UGT1A6: variants seen among roughly 807,000 people sequenced by gnomAD.
The protein encoded by UGT1A6 is UDP glucuronosyltransferase family 1 member A6.
A neutral mutation model predicts 44.4 loss-of-function variants in UGT1A6; 32 were observed. The observed-to-expected ratio is 0.72, with a 90% CI of 0.54 to 0.97. The LOEUF is 0.97. Among genes scored for constraint, UGT1A6 ranks in the 50% least tolerant of loss-of-function variants. The pLI, the probability that UGT1A6 is intolerant of heterozygous loss-of-function variation, is 0.00. For synonymous variants in UGT1A6, 238 were observed against 248.5 expected (o/e 0.96, Z 0.40); for missense variants, 685 against 661.9 (o/e 1.03, Z -0.38).
chr2:233,726,176 A>G (rs540012299), intron 1 of UGT1A6, among the ~76,000 whole-genome samples: 204 of 152,304 alleles, frequency 1.3e-3, no homozygotes, highest in African/African-American at 4.7e-3. Context: ...AAAAAAATAA[A>G]AATTTCTTTG....
In UGT1A6 at chr2:233,719,091, C is replaced by T. The variant is rs183802414; in HGVS notation, c.861+25226C>T. On this transcript the variant is annotated intron_variant, in intron 1 of 4. Coordinates refer to ENST00000305139, the MANE Select transcript of UGT1A6 (RefSeq NM_001072.4). ...TCCATGGACCCAGAAGGAATTTGATCGCGTTACGCTGGGCTACACTCAAGG... is the reference window on the plus strand; with the variant it reads ...TCCATGGACCCAGAAGGAATTTGATTGCGTTACGCTGGGCTACACTCAAGG... The T allele has an allele frequency of 3.7e-5, 60 of 1,614,254 alleles. No individual in the cohort carries two copies. The East Asian group carries it at 8.2e-4, about 22-fold the overall frequency.
chr2:233,733,145 T>C (rs2078361109), intron 1 of UGT1A6, among the ~76,000 whole-genome samples: 1 of 152,246 alleles, frequency 6.6e-6, no homozygotes, highest in Non-Finnish European at 1.5e-5. Flanking sequence ...TTGTGATTTT[T>C]GCACATTGAT....
intron 1 of UGT1A6, among the ~76,000 whole-genome samples, chr2:233,725,404 A>G (rs1338986441): frequency 1.3e-5 from 2 of 151,736 alleles, no homozygotes; most frequent in African/African-American, 4.9e-5. Flanking sequence ...TTGATGGTCT[A>G]ATACAGAATT....
At chr2:233,712,692 T>C (rs1221158170) in intron 1 of UGT1A6, among the ~76,000 whole-genome samples, 1 of 152,126 alleles carries the variant, frequency 6.6e-6, no homozygotes, top group Non-Finnish European at 1.5e-5. Context: ...AAATGGGGGT[T>C]CACAGCCTTG....
intron 1 of UGT1A6, among the ~76,000 whole-genome samples, chr2:233,739,944 C>A (rs937638963): frequency 6.6e-6 from 1 of 151,864 alleles, no homozygotes; most frequent in Non-Finnish European, 1.5e-5. Context: ...AGGTTGGTAC[C>A]TGGTGGGAGC....
chr2:233,744,059 G>A (rs1241791762), intron 1 of UGT1A6: 4 of 568,466 alleles, frequency 7.0e-6, no homozygotes, highest in Non-Finnish European at 1.1e-5. Context: ...ATTGGTCGAG[G>A]CCTATGAGCG....
At chr2:233,731,616 A>C (rs1404847931) in intron 1 of UGT1A6, among the ~76,000 whole-genome samples, 2 of 152,182 alleles carry the variant, frequency 1.3e-5, no homozygotes, top group Non-Finnish European at 2.9e-5. Flanking sequence ...ACATGAACTC[A>C]TCCTTTTTTA....
chr2:233,772,614 C>T lies in UGT1A6; in HGVS notation c.*55C>T, dbSNP rs1700539224. ...GAACCATTCCCTAGTCATTTCCAAA[C>T]TTGAAAACAGAATCAGTGTTAAATT... On this transcript the variant is annotated 3_prime_UTR_variant, in exon 5 of 5. Transcript: ENST00000305139. The T allele has an allele frequency of 1.3e-6, 2 of 1,575,828 alleles. No homozygotes were observed. The highest frequency in any genetic ancestry group is 1.7e-6 in the Non-Finnish European group (2 of 1,159,834).
chr2:233,700,334 C>A (rs541076266), intron 1 of UGT1A6, among the ~76,000 whole-genome samples: 14 of 152,332 alleles, frequency 9.2e-5, no homozygotes, highest in Non-Finnish European at 1.5e-4. Context: ...GCCTCTCTTT[C>A]AAAACCCTGT....
In UGT1A6 at chr2:233,693,169, G is replaced by C. The variant is rs2075135858; in HGVS notation, c.165G>C (p.Glu55Asp). The change falls in exon 1 of 5, where the codon GAG becomes GAC. Residue 55 changes from glutamate (E) to aspartate (D), a missense_variant. Coordinates refer to ENST00000305139, the MANE Select transcript of UGT1A6 (RefSeq NM_001072.4). ...IVEVLSDRGH[E>D]IVVVVPEVNL... ...AGGTTCTCAGTGACCGGGGTCATGA[G>C]ATTGTAGTGGTGGTGCCTGAAGTTA... The C allele has an allele frequency of 6.2e-7, 1 of 1,614,188 alleles. No homozygotes were observed. The highest frequency in any genetic ancestry group is 1.3e-5 in the African/African-American group (1 of 75,066).
chr2:233,735,668 T>C (rs552280878), intron 1 of UGT1A6, among the ~76,000 whole-genome samples: 4 of 152,360 alleles, frequency 2.6e-5, no homozygotes, highest in African/African-American at 4.8e-5. Context: ...TTTCCATGTT[T>C]AGTGCTTCCT....
intron 1 of UGT1A6, chr2:233,752,519 T>C (rs1480791131): frequency 6.6e-6 from 1 of 152,208 alleles, no homozygotes; most frequent in East Asian, 1.9e-4. Context: ...ATTTTTCAAT[T>C]CTAAAAATTC....
chr2:233,747,345 C>G (rs905208353), intron 1 of UGT1A6: 1 of 1,602,430 alleles, frequency 6.2e-7, no homozygotes, highest in Admixed American at 1.7e-5. Context: ...GGCTCGCATG[C>G]GGGAGGCCGT....
chr2:233,767,071 G>T lies in UGT1A6; in HGVS notation c.899G>T (p.Gly300Val). 6.2e-7 allele frequency: 1 copy of T among 1,614,098 alleles called. No homozygotes were observed. ...TACATTAATGCTTCTGGAGAACATG[G>T]AATTGTGGTTTTCTCTTTGGGATCA... ...EAYINASGEH[G>V]IVVFSLGSMV... The change falls in exon 2 of 5, where the codon GGA becomes GTA. Residue 300 changes from glycine (G) to valine (V), a missense_variant. Gly to Val is a moderately radical substitution (Grantham distance 109). Coordinates refer to ENST00000305139, the MANE Select transcript of UGT1A6 (RefSeq NM_001072.4).
chr2:233,713,830 A>C (rs1248419431), intron 1 of UGT1A6: 8 of 1,613,954 alleles, frequency 5.0e-6, no homozygotes, highest in Non-Finnish European at 6.8e-6. Context: ...GGGGGCATCA[A>C]CTGTGCCAAC....
chr2:233,721,701 C>A (rs2125683705), intron 1 of UGT1A6: 13 of 362,480 alleles, frequency 3.6e-5, no homozygotes, highest in South Asian at 2.9e-4. Context: ...ACGCATGGCT[C>A]ATCTTGGATG....
chr2:233,747,917 C>T, intron 1 of UGT1A6: 6 of 1,613,510 alleles, frequency 3.7e-6, no homozygotes, highest in Non-Finnish European at 5.1e-6. Flanking sequence ...CAAGCCTTGC[C>T]TCTGAGCTTT....
chr2:233,760,716 C>T (rs1697538425), intron 1 of UGT1A6: 9 of 1,614,218 alleles, frequency 5.6e-6, no homozygotes, highest in East Asian at 2.2e-5. Context: ...TGGCAGAAAG[C>T]AGCTTTGATG....
intron 1 of UGT1A6, among the ~76,000 whole-genome samples, chr2:233,702,320 A>G (rs2075680943): frequency 6.6e-6 from 1 of 152,048 alleles, no homozygotes; most frequent in Admixed American, 6.6e-5. Flanking sequence ...GTACTTCAAC[A>G]TTTCTGAACT....
Sources: allele counts gnomAD v4.1 joint callset (sites outside exome capture counted in the v4.1 genomes callset), GRCh38; gene constraint gnomAD v4.1.1; transcripts MANE v1.5; gene names NCBI Gene and HGNC (gene_info 2026-07-23, HGNC 2026-07-21).